The following PPP3CA variants were observed in gnomAD, a reference collection of about 807,000 sequenced individuals.
The protein encoded by PPP3CA is protein phosphatase 3 catalytic subunit alpha.
PPP3CA carries 14 observed loss-of-function variants against 66.5 expected under a neutral mutation model. That is an observed-to-expected ratio of 0.21 (90% CI 0.14 to 0.33). The LOEUF is 0.33. PPP3CA is among the 10% of genes least tolerant of loss of function. PPP3CA has a pLI of 1.00. For synonymous variants in PPP3CA, 232 were observed against 226.2 expected (o/e 1.03, Z -0.23); for missense variants, 317 against 639.5 (o/e 0.50, Z 5.44).
chr4:101,332,624 T>C (rs1316147191), intron 1 of PPP3CA, among the ~76,000 whole-genome samples: 2 of 152,358 alleles, frequency 1.3e-5, no homozygotes, highest in East Asian at 3.9e-4. Flanking sequence ...TCAAAGGAGC[T>C]GTCCAGCAGC....
At chr4:101,090,740 A>G (rs548467412) in intron 6 of PPP3CA, among the ~76,000 whole-genome samples, 1 of 150,948 alleles carries the variant, frequency 6.6e-6, no homozygotes, top group African/African-American at 2.4e-5. Flanking sequence ...ATTATCCTCT[A>G]TTATTAAAGA....
At chr4:101,257,842 G>A (rs1046657265) in intron 1 of PPP3CA, among the ~76,000 whole-genome samples, 2 of 152,094 alleles carry the variant, frequency 1.3e-5, no homozygotes, top group Non-Finnish European at 2.9e-5. Flanking sequence ...TATCATCAAT[G>A]TGGACAATTC....
intron 10 of PPP3CA, among the ~76,000 whole-genome samples, chr4:101,047,644 C>T (rs2110215492): frequency 6.6e-6 from 1 of 152,146 alleles, no homozygotes; most frequent in East Asian, 1.9e-4. Flanking sequence ...TTAAATTAGA[C>T]AGGATCTCTC....
intron 8 of PPP3CA, among the ~76,000 whole-genome samples, chr4:101,066,605 C>G (rs1728691736): frequency 6.6e-6 from 1 of 152,032 alleles, no homozygotes; most frequent in African/African-American, 2.4e-5. Flanking sequence ...TGCAAAAATA[C>G]TTTTTGAATA....
At position 101,025,192 on chromosome 4, in the gene PPP3CA, G is replaced by C. The variant is rs1391222491; in HGVS notation, c.*673C>G. The C allele has an allele frequency of 6.6e-6, 1 of 152,178 alleles. No individual in the cohort carries two copies. The highest frequency in any genetic ancestry group is 1.5e-5 in the Non-Finnish European group (1 of 67,942). The allele number at this position is 152,178 out of a possible 1,614,324, so 9.4% of individuals were successfully genotyped here. ...GAAGAAGATAAGTGTTATATGGAAA[G>C]AAGGGCATTCAAGCACACTAAAGAA... On this transcript the variant is annotated 3_prime_UTR_variant, in exon 14 of 14. Transcript: ENST00000394854.
chr4:101,255,941 T>G (rs1205236623), intron 1 of PPP3CA, among the ~76,000 whole-genome samples: 1 of 151,938 alleles, frequency 6.6e-6, no homozygotes, highest in East Asian at 1.9e-4. Flanking sequence ...CTCCTCCATT[T>G]TTTAAATACG....
chr4:101,153,229 G>T (rs969482806), intron 2 of PPP3CA, among the ~76,000 whole-genome samples: 28 of 152,182 alleles, frequency 1.8e-4, no homozygotes, highest in Admixed American at 1.7e-3. Context: ...CAGAAACTCT[G>T]TGTGTGGGTC....
At chr4:101,260,918 G>A (rs777255904) in intron 1 of PPP3CA, among the ~76,000 whole-genome samples, 9 of 151,968 alleles carry the variant, frequency 5.9e-5, no homozygotes, top group Non-Finnish European at 1.2e-4. Context: ...ACTGTCCCAG[G>A]GAATAAATGA....
At chr4:101,133,814 C>T (rs1722526855) in intron 2 of PPP3CA, among the ~76,000 whole-genome samples, 3 of 152,108 alleles carry the variant, frequency 2.0e-5, no homozygotes, top group South Asian at 2.1e-4. Flanking sequence ...AAGAACAAAG[C>T]TGGAGGCATC....
chr4:101,329,558 T>C (rs1175367187), intron 1 of PPP3CA, among the ~76,000 whole-genome samples: 2 of 152,150 alleles, frequency 1.3e-5, no homozygotes, highest in East Asian at 1.9e-4. Flanking sequence ...CAGCCTTCTA[T>C]TGGAAGAAGA....
chr4:101,262,070 A>T (rs1727026057), intron 1 of PPP3CA, among the ~76,000 whole-genome samples: 1 of 152,140 alleles, frequency 6.6e-6, no homozygotes, highest in East Asian at 1.9e-4. Context: ...AAAACTGACC[A>T]GGAACTAAGG....
intron 2 of PPP3CA, among the ~76,000 whole-genome samples, chr4:101,148,537 A>C (rs1455881825): frequency 6.6e-6 from 1 of 152,170 alleles, no homozygotes; most frequent in Non-Finnish European, 1.5e-5. Context: ...TAGAGATATT[A>C]ATCTCTTGAT....
chr4:101,036,193 ATTTCT>A (rs1431560169), intron 11 of PPP3CA, among the ~76,000 whole-genome samples: 5 of 152,178 alleles, frequency 3.3e-5, no homozygotes, highest in Non-Finnish European at 5.9e-5. Flanking sequence ...TATTATAATA[ATTTCT>A]TTAGTTTCTG....
At chr4:101,174,013 C>T (rs1560640500) in intron 2 of PPP3CA, among the ~76,000 whole-genome samples, 1 of 152,012 alleles carries the variant, frequency 6.6e-6, no homozygotes. Flanking sequence ...GACTACACCA[C>T]TGAACTCCAG....
At chr4:101,177,786 C>T (rs1003302096) in intron 2 of PPP3CA, among the ~76,000 whole-genome samples, 10 of 150,998 alleles carry the variant, frequency 6.6e-5, no homozygotes, top group African/African-American at 2.4e-4. Flanking sequence ...AATACATCAG[C>T]AAATCTTTGA....
At chr4:101,173,183 G>T (rs182973960) in intron 2 of PPP3CA, among the ~76,000 whole-genome samples, 1 of 152,216 alleles carries the variant, frequency 6.6e-6, no homozygotes, top group East Asian at 1.9e-4. Flanking sequence ...AATGGAACAG[G>T]GCTTTTGCCT....
intron 2 of PPP3CA, among the ~76,000 whole-genome samples, chr4:101,138,482 T>C (rs1722693211): frequency 6.6e-6 from 1 of 152,226 alleles, no homozygotes; most frequent in South Asian, 2.1e-4. Context: ...TTATCTGAAA[T>C]GCTTGGGAAC....
rs750595198 is a variant in PPP3CA, at chr4:101,025,665, A to G, written c.*200T>C. Reference sequence around the variant, plus strand: ...TACCCAAAAGAGGTGTTTAATCACCATCCCCACCAAAATATAGTTTATTAT... The same window carrying G: ...TACCCAAAAGAGGTGTTTAATCACCGTCCCCACCAAAATATAGTTTATTAT... On this transcript the variant is annotated 3_prime_UTR_variant, in exon 14 of 14. Coordinates refer to ENST00000394854, the MANE Select transcript of PPP3CA (RefSeq NM_000944.5). The G allele has an allele frequency of 6.4e-6, 3 of 470,874 alleles. No homozygotes were observed. The highest frequency in any genetic ancestry group is 2.0e-5 in the African/African-American group (1 of 50,238). 29.2% of individuals were successfully genotyped at this position (470,874 alleles called of 1,614,324 possible). A position where few individuals can be genotyped will look rare whatever the true frequency, so the allele number is the denominator to read the frequency against.
chr4:101,345,893 T>G (rs944905910), intron 1 of PPP3CA, among the ~76,000 whole-genome samples: 2 of 152,162 alleles, frequency 1.3e-5, no homozygotes, highest in African/African-American at 4.8e-5. Flanking sequence ...AGGTTATCAC[T>G]TGGGAGGTGT....
Sources: gnomAD v4.1 joint callset for allele counts (sites outside exome capture counted in the v4.1 genomes callset) on GRCh38, gnomAD v4.1.1 for gene constraint, MANE v1.5 for transcripts, NCBI Gene and HGNC (gene_info 2026-07-23, HGNC 2026-07-21) for gene names.